Variants in GID4 observed in about 807,000 individuals in gnomAD.
The protein encoded by GID4 is GID complex subunit 4 homolog.
GID4 carries 7 observed loss-of-function variants against 32.4 expected under a neutral mutation model. The observed-to-expected ratio is 0.22, with a 90% CI of 0.12 to 0.41. The LOEUF is 0.41. Among genes scored for constraint, GID4 ranks in the 10% least tolerant of loss-of-function variants. The probability of loss-of-function intolerance (pLI) is 1.00; values close to 1 mark genes in which losing one functional copy is unlikely to be tolerated. For synonymous variants in GID4, 166 were observed against 170.0 expected (o/e 0.98, Z 0.18); for missense variants, 309 against 400.0 (o/e 0.77, Z 1.94).
intron 1 of GID4, among the ~76,000 whole-genome samples, chr17:18,044,823 T>C (rs1409971521): frequency 1.3e-5 from 2 of 152,156 alleles, no homozygotes; most frequent in Non-Finnish European, 2.9e-5. Context: ...CCAGCAATGC[T>C]CAAGGTCTCT....
Position 18,039,939 on chromosome 17 carries a change from T to C in GID4, c.438+37T>C. 1 of 1,327,200 alleles carries C rather than the reference T, an allele frequency of 7.5e-7. No individual in the cohort carries two copies. The highest frequency in any genetic ancestry group is 9.7e-7 in the Non-Finnish European group (1 of 1,034,212). 82.2% of individuals were successfully genotyped at this position (1,327,200 alleles called of 1,614,324 possible). ...GCCGGGCCGGGGCCCGAGGGCCTCC[T>C]CGCGGCGCTCACGGGCCGTGCCCGC... On this transcript the variant is annotated intron_variant, in intron 1 of 5. Coordinates refer to ENST00000268719, the MANE Select transcript of GID4 (RefSeq NM_024052.5). The surrounding 1 kb of genome is among the most constrained non-coding windows in gnomAD (Gnocchi z 5.3).
chr17:18,045,262 C>A, intron 2 of GID4, 56 bp downstream of exon 2: 2 of 1,410,174 alleles, frequency 1.4e-6, no homozygotes, highest in Non-Finnish European at 2.0e-6. Flanking sequence ...GCTCCACAGG[C>A]TCATTGGGGT....
chr17:18,063,878 G>A (rs2045038267), intron 5 of GID4, among the ~76,000 whole-genome samples: 1 of 152,094 alleles, frequency 6.6e-6, no homozygotes, highest in Non-Finnish European at 1.5e-5. Context: ...GAGTAGCTAG[G>A]ATTACAGGCG....
chr17:18,065,379 A>T lies in GID4; in HGVS notation c.*136A>T. 1.4e-6 allele frequency: 1 copy of T among 708,332 alleles called. No homozygotes were observed. The highest frequency in any genetic ancestry group is 2.5e-6 in the Non-Finnish European group (1 of 401,070). The allele number at this position is 708,332 out of a possible 1,614,324, so 43.9% of individuals were successfully genotyped here. On this transcript the variant is annotated 3_prime_UTR_variant, in exon 6 of 6. Coordinates refer to ENST00000268719, the MANE Select transcript of GID4 (RefSeq NM_024052.5). ...AGCAGACTCGCATCACAAAGCATGA[A>T]TGTTAACCCACAGAATCCAAGGAGC...
At position 18,039,585 on chromosome 17, in the gene GID4, CG is replaced by C. The variant is rs2044762781; in HGVS notation, c.122del (p.Arg41ProfsTer101). On this transcript the variant is annotated frameshift_variant, in exon 1 of 6. Coordinates refer to ENST00000268719, the MANE Select transcript of GID4 (RefSeq NM_024052.5). LOFTEE classifies it high-confidence loss of function. The surrounding 1 kb of genome is among the most constrained non-coding windows in gnomAD (Gnocchi z 5.3). The part of the protein sequence containing the change: ...RLLRRQRAGG[R>X]PSRPHPARAR... ...GCTCCGCAGGCAGCGGGCGGGTGGT[CG>C]CCCCTCCCGCCCCCACCCCGCGCGT... The C allele has an allele frequency of 7.7e-7, 1 of 1,297,478 alleles. No individual in the cohort carries two copies. The highest frequency in any genetic ancestry group is 1.6e-5 in the African/African-American group (1 of 64,328). 80.4% of individuals were successfully genotyped at this position (1,297,478 alleles called of 1,614,324 possible). A position where few individuals can be genotyped will look rare whatever the true frequency, so the allele number is the denominator to read the frequency against.
rs1006410743 is a variant in GID4, at chr17:18,061,027, A to G, written c.709-818A>G. Among the ~76,000 whole-genome samples the G allele has an allele frequency of 6.6e-6, 1 of 152,046 alleles. No individual in the cohort carries two copies. Among genetic ancestry groups the G allele is most frequent in the Admixed American group, 6.6e-5 (1 of 15,256 alleles). ...TGGGATTGCAGGCATAAGCCACCAC[A>G]CCCGATCTGAATTTTAAAATTAATT... On this transcript the variant is annotated intron_variant, in intron 4 of 5. Coordinates refer to ENST00000268719, the MANE Select transcript of GID4 (RefSeq NM_024052.5). This position sits in a 1 kb window ranked among gnomAD's most constrained non-coding sequence, Gnocchi z 4.4.
At chr17:18,056,586 A>T in intron 3 of GID4, 1 of 927,374 alleles carries the variant, frequency 1.1e-6, no homozygotes, top group Non-Finnish European at 1.6e-6. Context: ...TCCATTTCAT[A>T]TTGGTCCTGC....
At chr17:18,046,873 G>T (rs1050990374) in intron 2 of GID4, among the ~76,000 whole-genome samples, 2 of 143,262 alleles carry the variant, frequency 1.4e-5, no homozygotes, top group Non-Finnish European at 3.0e-5. Context: ...AGTGAGCCAA[G>T]ATTGCACCAT....
In GID4 at chr17:18,045,215, T is replaced by G. The variant is rs757621887; in HGVS notation, c.498+9T>G. 1 of 1,610,352 alleles carries G rather than the reference T, an allele frequency of 6.2e-7. No homozygotes were observed. The highest frequency in any genetic ancestry group is 8.5e-7 in the Non-Finnish European group (1 of 1,176,594). Reference sequence around the variant, plus strand: ...TTAAAGGCCTTACTGAGGTAAGCACTTGCTCACACAAACCAGCACTAGAAA... The same window carrying G: ...TTAAAGGCCTTACTGAGGTAAGCACGTGCTCACACAAACCAGCACTAGAAA... On this transcript the variant is annotated intron_variant, in intron 2 of 5. Transcript: ENST00000268719.
At chr17:18,052,664 G>C (rs949856833) in intron 2 of GID4, among the ~76,000 whole-genome samples, 2 of 152,066 alleles carry the variant, frequency 1.3e-5, no homozygotes, top group South Asian at 2.1e-4. Context: ...GACTTTTTAC[G>C]GTGTTAACTT....
In GID4 at chr17:18,060,826, C is replaced by T. The variant is rs140453409; in HGVS notation, c.709-1019C>T. Among the ~76,000 whole-genome samples the T allele has an allele frequency of 1.9e-3, 293 of 152,278 alleles. 2 individuals carry two copies. The South Asian group carries it at 0.022, about 11-fold the overall frequency. Reference sequence around the variant, plus strand: ...TCGGTTCTCTGCAACCTCCCCGTCCCGTGTTCAAGCAATTCTCCTGCCTCA... The same window carrying T: ...TCGGTTCTCTGCAACCTCCCCGTCCTGTGTTCAAGCAATTCTCCTGCCTCA... On this transcript the variant is annotated intron_variant, in intron 4 of 5. Coordinates refer to ENST00000268719, the MANE Select transcript of GID4 (RefSeq NM_024052.5).
chr17:18,052,483 T>C (rs1685192025), intron 2 of GID4, among the ~76,000 whole-genome samples: 1 of 152,166 alleles, frequency 6.6e-6, no homozygotes, highest in Non-Finnish European at 1.5e-5. Flanking sequence ...GGCTTACATC[T>C]GATCTGAAGG....
In GID4 at chr17:18,039,541, G is replaced by C. The variant is rs1209727327; in HGVS notation, c.77G>C (p.Arg26Pro). ...CCCTGCTCGCAGGTCCCTGGGTCCC[G>C]GTGGCGGCCGGAGCGCTTGCTCCGC... ...GRPCSQVPGS[R>P]WRPERLLRRQ... Residue 26 changes from arginine (R) to proline (P), a missense_variant, in exon 1 of 6, where the codon CGG becomes CCG. Arg to Pro is a moderately radical substitution (Grantham distance 103, BLOSUM62 -2). Transcript: ENST00000268719. This position sits in a 1 kb window ranked among gnomAD's most constrained non-coding sequence, Gnocchi z 5.3. 2.4e-5 allele frequency: 31 copies of C among 1,307,100 alleles called. No individual in the cohort carries two copies. Among genetic ancestry groups the C allele is most frequent in the Non-Finnish European group, 2.9e-5 (30 of 1,032,790 alleles). The allele number at this position is 1,307,100 out of a possible 1,614,324, so 81.0% of individuals were successfully genotyped here.
At chr17:18,044,638 A>C (rs1432292133) in intron 1 of GID4, among the ~76,000 whole-genome samples, 3 of 152,234 alleles carry the variant, frequency 2.0e-5, no homozygotes, top group Admixed American at 2.0e-4. Flanking sequence ...TGCCCATTTC[A>C]TAAAGAGATA....
rs888720871 is a variant in GID4 at position 18,061,901 on chromosome 17, C to T, written c.765C>T (p.Ala255=). Reference sequence around the variant, plus strand: ...AAGACATCAGTGGTGCTTCTTTTGCCGGGTTCTACTACATCTGCTTTCAGA... The same window carrying T: ...AAGACATCAGTGGTGCTTCTTTTGCTGGGTTCTACTACATCTGCTTTCAGA... ...TIKDISGASF[A]GFYYICFQKS... is the part of the protein sequence containing the mutation. The change falls in exon 5 of 6, where the codon GCC becomes GCT. Residue 255 remains alanine (A), a synonymous_variant. Coordinates refer to ENST00000268719, the MANE Select transcript of GID4 (RefSeq NM_024052.5). This position sits in a 1 kb window ranked among gnomAD's most constrained non-coding sequence, Gnocchi z 4.4. The T allele has an allele frequency of 5.0e-6, 8 of 1,613,948 alleles. No homozygotes were observed. The highest frequency in any genetic ancestry group is 1.1e-5 in the South Asian group (1 of 91,074).
intron 5 of GID4, among the ~76,000 whole-genome samples, chr17:18,063,837 G>A (rs896208172): frequency 3.3e-5 from 5 of 152,100 alleles, no homozygotes; most frequent in African/African-American, 1.2e-4. Context: ...CCGCCTCCCA[G>A]GTTCAAGCAA....
rs143721352 is a variant in GID4 at position 18,056,894 on chromosome 17, C to T, written c.607-1974C>T. 4.4e-4 allele frequency: 686 copies of T among 1,550,604 alleles called. 2 individuals carry two copies. In the African/African-American group the frequency reaches 4.9e-3, roughly 11 times the overall value. ...TTGTAGTACTCAGCATTTCCCCTAA[C>T]TTTCACCACTCATGGAGGACTCCCA... On this transcript the variant is annotated intron_variant, in intron 3 of 5. Coordinates refer to ENST00000268719, the MANE Select transcript of GID4 (RefSeq NM_024052.5).
chr17:18,041,540 T>A (rs893624511), intron 1 of GID4, among the ~76,000 whole-genome samples: 1 of 152,090 alleles, frequency 6.6e-6, no homozygotes, highest in Non-Finnish European at 1.5e-5. Flanking sequence ...TTCATAACTG[T>A]ATGCCTAATG....
rs561441236 is a variant in GID4, at chr17:18,042,482, T to C, written c.438+2580T>C. Among the ~76,000 whole-genome samples, 5 of 152,378 alleles carry C rather than the reference T, an allele frequency of 3.3e-5. No individual in the cohort carries two copies. In the South Asian group the frequency reaches 6.2e-4, roughly 19 times the overall value. ...ATATGGTAATATGTATCAGCACTTA[T>C]ATTCCTTTTTATTTTGCATTGTTCA... On this transcript the variant is annotated intron_variant, in intron 1 of 5. Coordinates refer to ENST00000268719, the MANE Select transcript of GID4 (RefSeq NM_024052.5).
Sources: gnomAD v4.1 joint callset for allele counts (sites outside exome capture counted in the v4.1 genomes callset) on GRCh38, gnomAD v4.1.1 for gene constraint, Gnocchi (gnomAD v3.1) non-coding constraint, MANE v1.5 for transcripts, NCBI Gene and HGNC (gene_info 2026-07-23, HGNC 2026-07-21) for gene names.